XKR9: variants seen among roughly 807,000 people sequenced by gnomAD.
XKR9 encodes XK related 9, also known as XK-related protein 9.
Under a neutral mutation model 32.0 loss-of-function variants are expected in XKR9, and 32 were observed. The observed-to-expected ratio is 1.00, with a 90% CI of 0.76 to 1.34. XKR9 has a LOEUF of 1.34. Among genes scored for constraint, XKR9 ranks in the 40% most tolerant of loss-of-function variants. The probability of loss-of-function intolerance (pLI) is 0.00; values close to 1 mark genes in which losing one functional copy is unlikely to be tolerated. For synonymous variants in XKR9, 168 were observed against 143.4 expected, an observed-to-expected ratio of 1.17 and a Z score of -1.22; for missense variants, 546 against 429.7, an observed-to-expected ratio of 1.27 and a Z score of -2.39.
At chr8:70,868,028 A>G in the XKR9 span, among the ~76,000 whole-genome samples, 2 of 152,224 alleles carry the variant, frequency 1.3e-5, no homozygotes, top group African/African-American at 2.4e-5. Flanking sequence ...TTTTGACTCC[A>G]TGTCTCATAT....
chr8:70,679,011 A>C (rs1818976067), intron 2 of XKR9, among the ~76,000 whole-genome samples: 1 of 152,202 alleles, frequency 6.6e-6, no homozygotes, highest in Non-Finnish European at 1.5e-5. Context: ...AGTTCTGGAC[A>C]CTGGAAGTCC....
At chr8:71,014,600 C>T in the XKR9 span, among the ~76,000 whole-genome samples, 6 of 152,330 alleles carry the variant, frequency 3.9e-5, no homozygotes, top group South Asian at 2.1e-4. Context: ...ATGATCTCAT[C>T]TCAAGATCCT....
intron 4 of XKR9, among the ~76,000 whole-genome samples, chr8:70,712,746 C>G (rs1364670053): frequency 2.0e-5 from 3 of 152,102 alleles, no homozygotes; most frequent in African/African-American, 7.2e-5. Flanking sequence ...GAAACAAAAA[C>G]TCTAACAAAA....
In XKR9 at chr8:70,728,504, A is replaced by G. The variant is rs1191097967; in HGVS notation, c.494-5292A>G. ...AGCATTTAAGGGAATAGTATACTAT[A>G]AGGTAAATGATGACTCTAGGACAAG... On this transcript the variant is annotated intron_variant, in intron 4 of 4. Transcript: ENST00000408926. Among the ~76,000 whole-genome samples, 4 of 152,206 alleles carry G rather than the reference A, an allele frequency of 2.6e-5. No homozygotes were observed. In the East Asian group the frequency reaches 5.8e-4, roughly 22 times the overall value.
At chr8:70,881,556 C>G in the XKR9 span, among the ~76,000 whole-genome samples, 1 of 152,098 alleles carries the variant, frequency 6.6e-6, no homozygotes, top group Non-Finnish European at 1.5e-5. Flanking sequence ...AAATCAAAAC[C>G]ACAATGAGAT....
chr8:70,818,548 T>A, the XKR9 span, among the ~76,000 whole-genome samples: 2 of 152,196 alleles, frequency 1.3e-5, no homozygotes, highest in Non-Finnish European at 1.5e-5. Context: ...ATTTGTTAAA[T>A]GAATGAGTAA....
intron 2 of XKR9, among the ~76,000 whole-genome samples, chr8:70,788,668 A>G (rs963111220): frequency 4.6e-5 from 7 of 152,124 alleles, no homozygotes; most frequent in African/African-American, 1.2e-4. Flanking sequence ...CCATACTTCA[A>G]TTTAGCTTAT....
At chr8:70,994,560 T>A in the XKR9 span, among the ~76,000 whole-genome samples, 1 of 152,140 alleles carries the variant, frequency 6.6e-6, no homozygotes. Flanking sequence ...TTTTGTTGTT[T>A]TCAGTTTGAA....
the XKR9 span, among the ~76,000 whole-genome samples, chr8:70,881,768 T>A: frequency 6.6e-6 from 1 of 152,204 alleles, no homozygotes; most frequent in Non-Finnish European, 1.5e-5. Flanking sequence ...TTACTGGGTA[T>A]ACACCCAAAG....
At position 70,734,512 on chromosome 8, in the gene XKR9, T is replaced by G; in HGVS notation, c.*88T>G. 7.3e-7 allele frequency: 1 copy of G among 1,376,376 alleles called. No individual in the cohort carries two copies. The highest frequency in any genetic ancestry group is 9.3e-7 in the Non-Finnish European group (1 of 1,070,618). The allele number at this position is 1,376,376 out of a possible 1,614,324, so 85.3% of individuals were successfully genotyped here. A position where few individuals can be genotyped will look rare whatever the true frequency, so the allele number is the denominator to read the frequency against. On this transcript the variant is annotated 3_prime_UTR_variant, in exon 5 of 5. Coordinates refer to ENST00000408926, the MANE Select transcript of XKR9 (RefSeq NM_001011720.2). The stretch of plus-strand genomic sequence containing the variant: ...TGTTATGTGGGTGTGTTGTCTCTTA[T>G]TTTTGCCACCTTTAATTTGAAATTA...
the XKR9 span, among the ~76,000 whole-genome samples, chr8:70,909,703 CTTTTTTTTT>C: frequency 2.2e-5 from 2 of 91,206 alleles, no homozygotes; most frequent in African/African-American, 8.2e-5. Context: ...TCGATTTATC[CTTTTTTTTT>C]TTTTTTTTTT....
At chr8:70,723,836 A>C (rs1806363579) in intron 4 of XKR9, among the ~76,000 whole-genome samples, 1 of 151,778 alleles carries the variant, frequency 6.6e-6, no homozygotes, top group Non-Finnish European at 1.5e-5. Flanking sequence ...ATCAGAGCTT[A>C]AACAATGTGC....
chr8:70,815,232 A>G, the XKR9 span, among the ~76,000 whole-genome samples: 1 of 152,094 alleles, frequency 6.6e-6, no homozygotes, highest in African/African-American at 2.4e-5. Flanking sequence ...AACTTGTGTC[A>G]TGGGGGTTTG....
intron 3 of XKR9, among the ~76,000 whole-genome samples, chr8:70,687,911 T>C (rs1246622392): frequency 6.6e-6 from 1 of 152,222 alleles, no homozygotes; most frequent in African/African-American, 2.4e-5. Context: ...TTGAAACATA[T>C]GTGTTTCTGC....
the XKR9 span, among the ~76,000 whole-genome samples, chr8:70,863,658 C>A: frequency 6.6e-6 from 1 of 152,016 alleles, no homozygotes; most frequent in Non-Finnish European, 1.5e-5. Flanking sequence ...TTTACAGGGG[C>A]CCATGAGAAT....
intron 2 of XKR9, among the ~76,000 whole-genome samples, chr8:70,777,387 T>C (rs1807540705): frequency 6.6e-6 from 1 of 152,166 alleles, no homozygotes; most frequent in South Asian, 2.1e-4. Context: ...TCCAAGACTT[T>C]GCTATTGTGA....
At chr8:70,776,161 T>A (rs567092669) in intron 2 of XKR9, among the ~76,000 whole-genome samples, 3 of 152,258 alleles carry the variant, frequency 2.0e-5, no homozygotes, top group Non-Finnish European at 4.4e-5. Flanking sequence ...GAGTTCTTTT[T>A]AAAACTCTTT....
At chr8:70,985,507 A>C in the XKR9 span, among the ~76,000 whole-genome samples, 1 of 152,220 alleles carries the variant, frequency 6.6e-6, no homozygotes, top group East Asian at 1.9e-4. Context: ...TTTAGATTGC[A>C]TCTAAGTTTT....
intron 4 of XKR9, among the ~76,000 whole-genome samples, chr8:70,721,904 G>C (rs578099060): frequency 6.6e-6 from 1 of 152,094 alleles, no homozygotes. Context: ...GGGGTATAAA[G>C]TCTCCCACTG....
Sources: allele counts gnomAD v4.1 joint callset (sites outside exome capture counted in the v4.1 genomes callset), GRCh38; gene constraint gnomAD v4.1.1; transcripts MANE v1.5; gene names NCBI Gene and HGNC (gene_info 2026-07-23, HGNC 2026-07-21).